The following PIK3C3 variants were observed in gnomAD, a reference collection of about 807,000 sequenced individuals.
PIK3C3 encodes the protein phosphatidylinositol 3-kinase catalytic subunit type 3, also known as PI3-kinase type 3.
PIK3C3 carries 95 observed loss-of-function variants against 126.1 expected under a neutral mutation model. The observed-to-expected ratio is 0.75, with a 90% confidence interval of 0.64 to 0.89. The LOEUF is 0.89. PIK3C3 is among the 40% of genes least tolerant of loss of function. The probability of loss-of-function intolerance (pLI) is 0.00; values close to 1 mark genes in which losing one functional copy is unlikely to be tolerated. For missense variants in PIK3C3, 829 were observed against 1,063.2 expected, an observed-to-expected ratio of 0.78 and a Z score of 3.06; for synonymous variants, 374 against 360.0, an observed-to-expected ratio of 1.04 and a Z score of -0.44.
intron 18 of PIK3C3, 130 bp from the exon 19 acceptor site, chr18:42,040,547 C>T (rs951735303): frequency 4.7e-6 from 3 of 639,994 alleles, no homozygotes; most frequent in Non-Finnish European, 8.0e-6. Context: ...ATGTAGTGTA[C>T]ACTGATCTTT....
intron 15 of PIK3C3, among the ~76,000 whole-genome samples, chr18:42,032,668 T>A (rs1258607561): frequency 1.7e-5 from 2 of 120,736 alleles, no homozygotes; most frequent in African/African-American, 6.8e-5. Context: ...TTATTTATTT[T>A]AATTAGCGCA....
At chr18:41,970,509 G>T (rs1272776707) in intron 4 of PIK3C3, 53 bp downstream of exon 4, 2 of 1,498,814 alleles carry the variant, frequency 1.3e-6, no homozygotes, top group Admixed American at 3.3e-5. Context: ...GTCTATTGTA[G>T]TATATATACC....
Position 42,047,105 on chromosome 18 carries a change from T to A in PIK3C3, c.2189-2426T>A, listed in dbSNP as rs184598875. 6.0e-4 allele frequency among the ~76,000 whole-genome samples: 91 copies of A among 152,298 alleles called. 2 individuals are homozygous for A. Among genetic ancestry groups the A allele is most frequent in the Admixed American group, 2.4e-3 (37 of 15,308 alleles). On this transcript the variant is annotated intron_variant, in intron 20 of 24. Coordinates refer to ENST00000262039, the MANE Select transcript of PIK3C3 (RefSeq NM_002647.4). ...AAAATTTTAGGTCAGAATTAACTGTTGCAACACAGGTGAATCAGTATTCTA... is the reference window on the plus strand; with the variant it reads ...AAAATTTTAGGTCAGAATTAACTGTAGCAACACAGGTGAATCAGTATTCTA...
chr18:41,955,453 C>T lies in PIK3C3; in HGVS notation c.68+94C>T, dbSNP rs753804829. ...GGAGTGAGAGGCAGAAAGTACGTGA[C>T]TCGTCTCAAGGCCCAGATTGGGGGC... On this transcript the variant is annotated intron_variant, in intron 1 of 24. Coordinates refer to ENST00000262039, the MANE Select transcript of PIK3C3 (RefSeq NM_002647.4). 14 of 1,098,334 alleles carry T rather than the reference C, an allele frequency of 1.3e-5. No individual in the cohort carries two copies. The South Asian group carries it at 1.9e-4, about 15-fold the overall frequency. 68.0% of individuals were successfully genotyped at this position (1,098,334 alleles called of 1,614,324 possible).
chr18:42,053,053 G>A (rs916349027), intron 21 of PIK3C3: 1 of 152,158 alleles, frequency 6.6e-6, no homozygotes, highest in Admixed American at 6.6e-5. Flanking sequence ...TGTTTCATCT[G>A]TGTCCAGTTC....
rs1724641997 is a variant in PIK3C3 at position 42,082,163 on chromosome 18, C to CT, written c.*1030dup. ...ATGATATGAACAATATGGTAATAATCTTTTGCAACTTAATATGTTACATAG... is the reference window on the plus strand; with the variant it reads ...ATGATATGAACAATATGGTAATAATCTTTTTGCAACTTAATATGTTACATAG... On this transcript the variant is annotated 3_prime_UTR_variant, in exon 25 of 25. Transcript: ENST00000262039. 6.6e-6 allele frequency: 1 copy of CT among 152,076 alleles called. No individual in the cohort carries two copies. Among genetic ancestry groups the CT allele is most frequent in the African/African-American group, 2.4e-5 (1 of 41,392 alleles). 9.4% of individuals were successfully genotyped at this position (152,076 alleles called of 1,614,324 possible).
At chr18:41,995,716 C>T (rs1382307679) in intron 7 of PIK3C3, among the ~76,000 whole-genome samples, 174 bp from the exon 8 acceptor site, 1 of 152,006 alleles carries the variant, frequency 6.6e-6, no homozygotes, top group African/African-American at 2.4e-5. Flanking sequence ...ACTTAGTTTC[C>T]CAGTCTTGAG....
intron 13 of PIK3C3, among the ~76,000 whole-genome samples, chr18:42,023,412 A>T (rs938562347): frequency 6.6e-6 from 1 of 152,194 alleles, no homozygotes; most frequent in South Asian, 2.1e-4. Context: ...TAAGGAGCAC[A>T]CTTTTTTTTC....
At chr18:42,033,640 G>A (rs1983922349) in intron 15 of PIK3C3, among the ~76,000 whole-genome samples, 186 bp from the exon 16 acceptor site, 1 of 152,186 alleles carries the variant, frequency 6.6e-6, no homozygotes, top group Admixed American at 6.5e-5. Flanking sequence ...TTTAAAGCAT[G>A]CTGCTGCTGT....
At chr18:42,037,512 A>G (rs1984109239) in intron 16 of PIK3C3, among the ~76,000 whole-genome samples, 180 bp from the exon 17 acceptor site, 1 of 152,198 alleles carries the variant, frequency 6.6e-6, no homozygotes, top group African/African-American at 2.4e-5. Flanking sequence ...TCTTCTGACT[A>G]CTAGCTAGTT....
At chr18:41,993,625 G>A (rs377400455) in intron 7 of PIK3C3, among the ~76,000 whole-genome samples, 2 of 151,852 alleles carry the variant, frequency 1.3e-5, no homozygotes, top group African/African-American at 4.8e-5. Flanking sequence ...CTTCAGGTTG[G>A]GGGTATATAA....
At chr18:42,021,735 T>C (rs1418566306) in intron 13 of PIK3C3, among the ~76,000 whole-genome samples, 1 of 152,186 alleles carries the variant, frequency 6.6e-6, no homozygotes, top group South Asian at 2.1e-4. Flanking sequence ...ATCCAAAAAT[T>C]TGAAATCTGA....
intron 24 of PIK3C3, among the ~76,000 whole-genome samples, chr18:42,075,518 A>G (rs1312332933): frequency 2.0e-5 from 3 of 151,998 alleles, no homozygotes; most frequent in Non-Finnish European, 2.9e-5. Flanking sequence ...GGAATTATGT[A>G]AAGTTCTTTC....
intron 16 of PIK3C3, 71 bp from the exon 17 acceptor site, chr18:42,037,621 T>C: frequency 7.4e-7 from 1 of 1,347,650 alleles, no homozygotes; most frequent in Admixed American, 2.1e-5. Flanking sequence ...ATCAACATTT[T>C]CTTGTATGTA....
At chr18:41,962,338 CAAAA>C (rs1216022722) in intron 2 of PIK3C3, 147 bp from the exon 3 acceptor site, 2 of 476,118 alleles carry the variant, frequency 4.2e-6, no homozygotes, top group Non-Finnish European at 7.0e-6. Flanking sequence ...TTGCCTTTAG[CAAAA>C]TTGAGGTGAC....
intron 9 of PIK3C3, 21 bp from the exon 10 acceptor site, chr18:42,004,335 T>G (rs766015089): frequency 1.9e-6 from 3 of 1,590,044 alleles, no homozygotes; most frequent in Admixed American, 1.7e-5. Flanking sequence ...TTTCTAATTT[T>G]TAAATATTTT....
intron 4 of PIK3C3, 113 bp downstream of exon 4, chr18:41,970,569 T>C (rs2144312574): frequency 1.1e-6 from 1 of 937,290 alleles, no homozygotes; most frequent in East Asian, 2.6e-5. Context: ...ATCTTAACTT[T>C]TAAATAATTG....
chr18:42,049,881 G>T lies in PIK3C3; in HGVS notation c.2263+276G>T, dbSNP rs564369220. ...CCAACTACTCAGGAGGCTGAGGCAG[G>T]AGAATCGCTTGAACCCGGGAGGCGG... On this transcript the variant is annotated intron_variant, in intron 21 of 24. Coordinates refer to ENST00000262039, the MANE Select transcript of PIK3C3 (RefSeq NM_002647.4). The T allele has an allele frequency of 2.3e-5, 5 of 216,108 alleles. No individual in the cohort carries two copies. The South Asian group carries it at 5.1e-4, about 22-fold the overall frequency. The allele number at this position is 216,108 out of a possible 1,614,324, so 13.4% of individuals were successfully genotyped here.
intron 1 of PIK3C3, 152 bp from the exon 2 acceptor site, chr18:41,957,418 T>G (rs1979836818): frequency 1.6e-6 from 1 of 612,700 alleles, no homozygotes; most frequent in East Asian, 3.2e-5. Flanking sequence ...AAATGTTGTT[T>G]AGGTAGCATA....
Sources: gnomAD v4.1 joint callset for allele counts (sites outside exome capture counted in the v4.1 genomes callset) on GRCh38, gnomAD v4.1.1 for gene constraint, MANE v1.5 for transcripts, NCBI Gene and HGNC (gene_info 2026-07-23, HGNC 2026-07-21) for gene names.